The following ITPR2 variants were observed in gnomAD, a reference collection of about 807,000 sequenced individuals.
ITPR2 encodes inositol 1,4,5-trisphosphate receptor type 2.
A neutral mutation model predicts 317.1 loss-of-function variants in ITPR2; 207 were observed. The ratio of observed to expected loss-of-function variants is 0.65; its 90% CI spans 0.58 to 0.73. The LOEUF (loss-of-function observed/expected upper bound fraction) is 0.73. ITPR2 is among the 30% of genes least tolerant of loss of function. The pLI, the probability that ITPR2 is intolerant of heterozygous loss-of-function variation, is 0.00. For missense variants in ITPR2, 2,613 were observed against 3,284.0 expected, an observed-to-expected ratio of 0.80 and a Z score of 4.99; for synonymous variants, 1,156 against 1,149.1, an observed-to-expected ratio of 1.01 and a Z score of -0.12.
At chr12:26,418,216 G>A (rs1200620230) in intron 50 of ITPR2, among the ~76,000 whole-genome samples, 1 of 152,142 alleles carries the variant, frequency 6.6e-6, no homozygotes, top group Non-Finnish European at 1.5e-5. Context: ...CATGACTCAG[G>A]CAAATTCCTC....
chr12:26,518,389 G>A (rs1268938531), intron 37 of ITPR2, among the ~76,000 whole-genome samples: 2 of 152,068 alleles, frequency 1.3e-5, no homozygotes, highest in African/African-American at 2.4e-5. Flanking sequence ...GTGGAAGAAG[G>A]GTGACAACCT....
At chr12:26,584,255 A>G (rs1945467087) in intron 32 of ITPR2, among the ~76,000 whole-genome samples, 1 of 152,144 alleles carries the variant, frequency 6.6e-6, no homozygotes, top group South Asian at 2.1e-4. Context: ...ATAAGGCAAC[A>G]TTTCACAAAG....
chr12:26,406,016 A>T (rs1225716553), intron 52 of ITPR2, among the ~76,000 whole-genome samples: 1 of 152,140 alleles, frequency 6.6e-6, no homozygotes, highest in East Asian at 1.9e-4. Flanking sequence ...CTTTAATTAT[A>T]ATCAATTCAT....
intron 37 of ITPR2, among the ~76,000 whole-genome samples, chr12:26,540,029 C>A (rs1244462967): frequency 6.6e-6 from 1 of 152,140 alleles, no homozygotes; most frequent in Non-Finnish European, 1.5e-5. Context: ...TGAATAAGAT[C>A]AACAGTCTCT....
intron 48 of ITPR2, among the ~76,000 whole-genome samples, chr12:26,428,662 T>A (rs1425021366): frequency 6.6e-6 from 1 of 152,158 alleles, no homozygotes; most frequent in East Asian, 1.9e-4. Context: ...TAAATAAAAT[T>A]TTTAGCTATT....
At chr12:26,437,570 C>T (rs1469964566) in intron 47 of ITPR2, among the ~76,000 whole-genome samples, 1 of 152,156 alleles carries the variant, frequency 6.6e-6, no homozygotes, top group Non-Finnish European at 1.5e-5. Context: ...TTTGTAATAA[C>T]AAATTCTCAC....
intron 33 of ITPR2, among the ~76,000 whole-genome samples, chr12:26,579,767 T>C (rs574620278): frequency 6.6e-6 from 1 of 152,280 alleles, no homozygotes; most frequent in East Asian, 1.9e-4. Context: ...TGTGCAGTTA[T>C]TTCAACACCT....
intron 9 of ITPR2, among the ~76,000 whole-genome samples, chr12:26,709,842 T>C (rs1374117852): frequency 6.6e-6 from 1 of 152,224 alleles, no homozygotes; most frequent in Non-Finnish European, 1.5e-5. Flanking sequence ...CTTTAAAACA[T>C]TTACGCTATA....
At chr12:26,696,007 A>G in intron 9 of ITPR2, among the ~76,000 whole-genome samples, 1 of 152,138 alleles carries the variant, frequency 6.6e-6, no homozygotes, top group East Asian at 1.9e-4. Flanking sequence ...ATTAAACAAA[A>G]AAAACCAGTG....
rs548681140 is a variant in ITPR2, at chr12:26,515,125, G to T, written c.5074-19865C>A. Among the ~76,000 whole-genome samples the T allele has an allele frequency of 3.9e-5, 6 of 152,258 alleles. No homozygotes were observed. The East Asian group carries it at 1.2e-3, about 29-fold the overall frequency. On this transcript the variant is annotated intron_variant, in intron 37 of 56. Coordinates refer to ENST00000381340, the MANE Select transcript of ITPR2 (RefSeq NM_002223.4). Reference sequence around the variant, plus strand: ...ACTCAGATTGAACCAGTTTACTCCAGTATCAGCAAAATAACAAGAAAGAAC... The same window carrying T: ...ACTCAGATTGAACCAGTTTACTCCATTATCAGCAAAATAACAAGAAAGAAC...
chr12:26,516,101 G>A (rs1943482484), intron 37 of ITPR2, among the ~76,000 whole-genome samples: 1 of 144,122 alleles, frequency 6.9e-6, no homozygotes. Flanking sequence ...TCTAGCCTGG[G>A]TGACAGAGTG....
chr12:26,661,816 G>T (rs1233911014), intron 15 of ITPR2, among the ~76,000 whole-genome samples: 3 of 152,062 alleles, frequency 2.0e-5, no homozygotes, highest in Non-Finnish European at 2.9e-5. Flanking sequence ...AAAACTCAGG[G>T]TCCGATACTG....
chr12:26,826,262 T>G (rs1951008365), intron 1 of ITPR2, among the ~76,000 whole-genome samples: 2 of 151,770 alleles, frequency 1.3e-5, no homozygotes, highest in African/African-American at 4.8e-5. Context: ...GAGGAAAATA[T>G]TTTTAAAACT....
At chr12:26,547,750 CTTAG>C (rs1944424740) in intron 37 of ITPR2, among the ~76,000 whole-genome samples, 1 of 152,160 alleles carries the variant, frequency 6.6e-6, no homozygotes, top group Non-Finnish European at 1.5e-5. Context: ...GTTTTTCTTT[CTTAG>C]TTAAATGACT....
chr12:26,790,504 T>C (rs947364450), intron 1 of ITPR2, among the ~76,000 whole-genome samples: 5 of 151,744 alleles, frequency 3.3e-5, no homozygotes, highest in African/African-American at 1.2e-4. Flanking sequence ...AAAACTACAT[T>C]AAACAAAATG....
intron 54 of ITPR2, among the ~76,000 whole-genome samples, chr12:26,393,284 C>T (rs538491484): frequency 6.6e-6 from 1 of 152,222 alleles, no homozygotes; most frequent in Non-Finnish European, 1.5e-5. Context: ...CTAGACCAGT[C>T]ACTATTTTAT....
At chr12:26,584,510 CTT>C (rs1945474097) in intron 32 of ITPR2, among the ~76,000 whole-genome samples, 1 of 152,186 alleles carries the variant, frequency 6.6e-6, no homozygotes, top group Non-Finnish European at 1.5e-5. Context: ...TCCTTCCTCT[CTT>C]CTGCTCTAAA....
At chr12:26,491,105 A>G (rs899809444) in intron 39 of ITPR2, among the ~76,000 whole-genome samples, 26 of 152,186 alleles carry the variant, frequency 1.7e-4, no homozygotes, top group Admixed American at 7.2e-4. Context: ...TGAAGAGATC[A>G]TGAAGTATCT....
At chr12:26,589,879 CACACACAT>C (rs1161918453) in intron 32 of ITPR2, among the ~76,000 whole-genome samples, 2 of 133,306 alleles carry the variant, frequency 1.5e-5, no homozygotes, top group Non-Finnish European at 3.3e-5. Context: ...CACACACACA[CACACACAT>C]ATACATTTCT....
Sources: allele counts gnomAD v4.1 joint callset (sites outside exome capture counted in the v4.1 genomes callset), GRCh38; gene constraint gnomAD v4.1.1; transcripts MANE v1.5; gene names NCBI Gene and HGNC (gene_info 2026-07-23, HGNC 2026-07-21).